Variants in KANTR observed in about 807,000 individuals in gnomAD.
The protein encoded by KANTR is KDM5C adjacent transcript.
At position 53,095,769 on chromosome X, in the gene KANTR, A is replaced by G. The variant is rs782477954; in HGVS notation, c.-942+1485A>G. Among the ~76,000 whole-genome samples, 17 of 111,217 alleles carry G rather than the reference A, an allele frequency of 1.5e-4. No homozygotes were observed. The South Asian group carries it at 6.0e-3, about 39-fold the overall frequency. ...ACACAGTTTTCCTAAATAATGAACA[A>G]TTCTTCACAAAGTTCTAAACAAAAC... On this transcript the variant is annotated intron_variant, in intron 1 of 2. Coordinates refer to ENST00000604062, the Ensembl canonical transcript of KANTR.
intron 1 of KANTR, among the ~76,000 whole-genome samples, chrX:53,096,115 T>C (rs1932843334): frequency 9.0e-6 from 1 of 111,289 alleles, no homozygotes; most frequent in Admixed American, 9.6e-5. Context: ...TGTTTAAAAT[T>C]GCAGCTCTCC....
At chrX:53,108,091 A>C (rs2146725340) in intron 2 of KANTR, among the ~76,000 whole-genome samples, 1 of 109,784 alleles carries the variant, frequency 9.1e-6, no homozygotes, top group East Asian at 2.9e-4. Flanking sequence ...GGGTTGCACC[A>C]TGTTGGCCAG....
exon 3 of KANTR, chrX:53,142,596 G>T: frequency 1.3e-5 from 4 of 311,353 alleles, no homozygotes; most frequent in South Asian, 1.2e-4. Flanking sequence ...TTATAGGCGT[G>T]AGCCACCACT....
At chrX:53,125,240 G>A (rs1443553765) in exon 3 of KANTR, 1 of 111,321 alleles carries the variant, frequency 9.0e-6, no homozygotes, top group Non-Finnish European at 1.9e-5. Flanking sequence ...GTTGGGATTT[G>A]TGTGGTATAT....
chrX:53,141,558 C>T (rs782271791), intron 2 of KANTR, among the ~76,000 whole-genome samples: 2 of 110,762 alleles, frequency 1.8e-5, no homozygotes, highest in African/African-American at 3.3e-5. Context: ...GTTATTCCCC[C>T]ATTGTTTTAC....
At chrX:53,147,292 A>G (rs1933590443), downstream of KANTR, among the ~76,000 whole-genome samples, 1 of 111,776 alleles carries the variant, frequency 8.9e-6, no homozygotes, top group South Asian at 3.8e-4. Flanking sequence ...GCAAATGGAA[A>G]ACAAAAAAAG....
chrX:53,143,551 C>G, downstream of KANTR: 1 of 624,415 alleles, frequency 1.6e-6, no homozygotes, highest in Non-Finnish European at 2.7e-6. Context: ...CAAACATGAT[C>G]TGAGTCATCT....
At chrX:53,114,963 T>A (rs1320677933) in intron 2 of KANTR, among the ~76,000 whole-genome samples, 6 of 107,463 alleles carry the variant, frequency 5.6e-5, no homozygotes, top group Admixed American at 3.0e-4. Context: ...GGGGCCGGTG[T>A]GGAGCCTGGA....
chrX:53,140,788 T>C (rs1295274196), intron 2 of KANTR, among the ~76,000 whole-genome samples: 2 of 112,093 alleles, frequency 1.8e-5, no homozygotes, highest in Non-Finnish European at 3.8e-5. Flanking sequence ...GTGAGAGTTA[T>C]CAATAGTTAT....
downstream of KANTR, among the ~76,000 whole-genome samples, chrX:53,129,695 A>G (rs925338719): frequency 9.1e-6 from 1 of 109,440 alleles, no homozygotes; most frequent in Non-Finnish European, 1.9e-5. Flanking sequence ...TCCTTTAATT[A>G]TTGCTTGACT....
intron 2 of KANTR, among the ~76,000 whole-genome samples, chrX:53,138,086 G>A (rs1556817904): frequency 9.3e-6 from 1 of 107,811 alleles, no homozygotes; most frequent in African/African-American, 3.4e-5. Flanking sequence ...TTATTTTTTT[G>A]AGATGGAGTT....
At position 53,099,824 on chromosome X, in the gene KANTR, G is replaced by A. The variant is rs1056107443; in HGVS notation, c.-805+216G>A. 6.2e-5 allele frequency among the ~76,000 whole-genome samples: 7 copies of A among 112,355 alleles called. No homozygotes were observed. In the East Asian group the frequency reaches 1.4e-3, roughly 22 times the overall value. On this transcript the variant is annotated intron_variant, in intron 2 of 2. Transcript: ENST00000604062. ...TGTACATCTCCATCAGAGCTCTTAG[G>A]TGATCAGGTGCATTTTCAATGAGCA...
downstream of KANTR, among the ~76,000 whole-genome samples, chrX:53,130,483 G>A (rs1556816919): frequency 8.9e-6 from 1 of 111,951 alleles, no homozygotes; most frequent in East Asian, 2.8e-4. Flanking sequence ...GGGGATAGTA[G>A]TGTTACAGCT....
chrX:53,100,163 C>T (rs1261142780), intron 2 of KANTR, among the ~76,000 whole-genome samples: 2 of 112,238 alleles, frequency 1.8e-5, no homozygotes, highest in East Asian at 5.6e-4. Flanking sequence ...ATCTTCTCCC[C>T]ATATAACGCT....
At chrX:53,134,431 T>C (rs1253121840) in intron 2 of KANTR, among the ~76,000 whole-genome samples, 2 of 111,385 alleles carry the variant, frequency 1.8e-5, no homozygotes, top group East Asian at 2.8e-4. Flanking sequence ...AGTGGTTTCT[T>C]CTGGGCAGGG....
downstream of KANTR, among the ~76,000 whole-genome samples, chrX:53,128,593 A>C (rs1338441312): frequency 1.8e-5 from 2 of 111,942 alleles, no homozygotes; most frequent in Non-Finnish European, 3.8e-5. Context: ...ATCTTTAGCC[A>C]TCTGTATTTG....
intron 2 of KANTR, chrX:53,113,198 A>G: frequency 1.3e-5 from 3 of 225,148 alleles, no homozygotes; most frequent in African/African-American, 3.0e-5. Context: ...GCCCTTATCA[A>G]CGTTCTTCAT....
At chrX:53,095,457 T>A (rs1308920350) in intron 1 of KANTR, among the ~76,000 whole-genome samples, 5 of 110,610 alleles carry the variant, frequency 4.5e-5, no homozygotes, top group Non-Finnish European at 7.6e-5. Context: ...TTTTTTTTTT[T>A]AATAAGGTGT....
At chrX:53,145,252 A>T (rs1745204293), downstream of KANTR, among the ~76,000 whole-genome samples, 1 of 111,739 alleles carries the variant, frequency 8.9e-6, no homozygotes, top group South Asian at 3.8e-4. Context: ...TCCCTTTCCT[A>T]GTCAAAGAAA....
Sources: gnomAD v4.1 joint callset for allele counts (sites outside exome capture counted in the v4.1 genomes callset) on GRCh38, gnomAD v4.1.1 for gene constraint, MANE v1.5 for transcripts, NCBI Gene and HGNC (gene_info 2026-07-23, HGNC 2026-07-21) for gene names.